Variants in TLE4 observed in about 807,000 individuals in gnomAD.
The protein encoded by TLE4 is TLE family member 4, transcriptional corepressor.
In TLE4, 8 loss-of-function variants were observed where a neutral mutation model predicts 92.8. The observed-to-expected ratio is 0.09, with a 90% CI of 0.05 to 0.16. TLE4 has a LOEUF of 0.16. Among genes scored for constraint, TLE4 ranks in the 10% least tolerant of loss-of-function variants. The pLI, the probability that TLE4 is intolerant of heterozygous loss-of-function variation, is 1.00. For missense variants in TLE4, 675 were observed against 997.6 expected (o/e 0.68, Z 4.36); for synonymous variants, 371 against 374.1 (o/e 0.99, Z 0.10).
chr9:79,606,331 C>CTT (rs35416123), intron 4 of TLE4, among the ~76,000 whole-genome samples: 8 of 96,050 alleles, frequency 8.3e-5, no homozygotes, highest in Middle Eastern at 7.1e-3. Flanking sequence ...TCCAGTCAGG[C>CTT]TTTTTTTTTT....
chr9:79,720,895 A>G (rs1358943075), intron 16 of TLE4, among the ~76,000 whole-genome samples: 3 of 152,220 alleles, frequency 2.0e-5, no homozygotes, highest in Non-Finnish European at 4.4e-5. Context: ...ATATAACTTT[A>G]CAAATGAGAT....
chr9:79,637,764 C>G (rs7870254), intron 6 of TLE4, among the ~76,000 whole-genome samples: 1,716 of 152,160 alleles, frequency 0.011, 39 homozygotes, highest in African/African-American at 0.039. Context: ...ACCCAGTGTC[C>G]TTGGATCTTC....
At chr9:79,671,928 A>C (rs1272859754) in intron 8 of TLE4, among the ~76,000 whole-genome samples, 1 of 149,666 alleles carries the variant, frequency 6.7e-6, no homozygotes, top group Non-Finnish European at 1.5e-5. Flanking sequence ...TCTCCGTTAA[A>C]AAAAAAAAAA....
Position 79,725,992 on chromosome 9 carries a change from A to G in TLE4, c.*848A>G, listed in dbSNP as rs1046784001. ...CACATTTCTTTGCAAAAGGAGATAT[A>G]TATATCTTTAGTCAGTTTTGTTGTT... On this transcript the variant is annotated 3_prime_UTR_variant, in exon 20 of 20. Transcript: ENST00000376552. The G allele has an allele frequency of 2.0e-5, 3 of 152,714 alleles. No individual in the cohort carries two copies. The highest frequency in any genetic ancestry group is 2.1e-4 in the South Asian group (1 of 4,830). 9.5% of individuals were successfully genotyped at this position (152,714 alleles called of 1,614,324 possible). A position where few individuals can be genotyped will look rare whatever the true frequency, so the allele number is the denominator to read the frequency against.
At chr9:79,668,401 G>A (rs1043275025) in intron 8 of TLE4, among the ~76,000 whole-genome samples, 1 of 152,194 alleles carries the variant, frequency 6.6e-6, no homozygotes, top group Non-Finnish European at 1.5e-5. Context: ...ATGTCGGAAC[G>A]TATCTAGATG....
chr9:79,680,076 C>G (rs1187195073), intron 8 of TLE4, among the ~76,000 whole-genome samples: 1 of 152,174 alleles, frequency 6.6e-6, no homozygotes, highest in Non-Finnish European at 1.5e-5. Context: ...GTTCTTTTGG[C>G]TTAGGATTGA....
At chr9:79,644,120 A>G (rs1161652909) in intron 6 of TLE4, among the ~76,000 whole-genome samples, 4 of 151,996 alleles carry the variant, frequency 2.6e-5, no homozygotes, top group African/African-American at 4.8e-5. Context: ...GTGGGAGGTA[A>G]TTTAATCAGG....
chr9:79,664,501 G>A lies in TLE4; in HGVS notation c.609+10426G>A, dbSNP rs79464546. On this transcript the variant is annotated intron_variant, in intron 8 of 19. Coordinates refer to ENST00000376552, the MANE Select transcript of TLE4 (RefSeq NM_007005.6). Reference sequence around the variant, plus strand: ...TGAATGAGACTCCTGAATTGGATGCGTAGGCTGGAATCTGATTTGATGATA... The same window carrying A: ...TGAATGAGACTCCTGAATTGGATGCATAGGCTGGAATCTGATTTGATGATA... Among the ~76,000 whole-genome samples, 965 of 152,268 alleles carry A rather than the reference G, an allele frequency of 6.3e-3. 29 individuals carry two copies. The highest frequency in any genetic ancestry group is 0.041 in the East Asian group (210 of 5,176).
rs1340825933 is a variant in TLE4, at chr9:79,718,926, C to G, written c.1545C>G (p.Ile515Met). 3.7e-6 allele frequency: 6 copies of G among 1,613,810 alleles called. No homozygotes were observed. Among genetic ancestry groups the G allele is most frequent in the Non-Finnish European group, 5.1e-6 (6 of 1,179,724 alleles). ...GGKGCVKVWD[I>M]SHPGNKSPVS... ...AGGGCTGCGTCAAGGTCTGGGACATCAGCCACCCAGGCAATAAGAGTCCTG... is the reference window on the plus strand; with the variant it reads ...AGGGCTGCGTCAAGGTCTGGGACATGAGCCACCCAGGCAATAAGAGTCCTG... The change falls in exon 15 of 20, where the codon ATC becomes ATG. Residue 515 changes from isoleucine to methionine, a missense_variant. This residue lies in a region of TLE4 where 170 missense variants were observed against 359.6 expected (regional missense o/e 0.47). Transcript: ENST00000376552.
intron 8 of TLE4, among the ~76,000 whole-genome samples, chr9:79,656,551 T>A (rs1194947287): frequency 6.6e-6 from 1 of 152,162 alleles, no homozygotes; most frequent in African/African-American, 2.4e-5. Flanking sequence ...TGCCTGAAAT[T>A]TTTTATAGCT....
intron 5 of TLE4, among the ~76,000 whole-genome samples, chr9:79,619,154 T>C (rs1188296576): frequency 1.3e-5 from 2 of 152,210 alleles, no homozygotes; most frequent in African/African-American, 4.8e-5. Flanking sequence ...AGTGATAATA[T>C]GAGTTTATTT....
At chr9:79,643,621 T>C (rs1276838045) in intron 6 of TLE4, among the ~76,000 whole-genome samples, 2 of 152,320 alleles carry the variant, frequency 1.3e-5, no homozygotes, top group Non-Finnish European at 2.9e-5. Flanking sequence ...TGTTTGTTTC[T>C]GATTGTTTTC....
chr9:79,592,229 T>TCTTCTTCCTCTTC (rs1554694710), intron 4 of TLE4, among the ~76,000 whole-genome samples: 14 of 133,174 alleles, frequency 1.1e-4, no homozygotes, highest in Non-Finnish European at 1.7e-4. Flanking sequence ...TTCTTCTTCT[T>TCTTCTTCCTCTTC]CTTCTTCCTT....
At chr9:79,612,626 TA>T (rs547635350) in intron 4 of TLE4, 29 bp from the exon 5 acceptor site, 4 of 1,599,824 alleles carry the variant, frequency 2.5e-6, no homozygotes, top group Non-Finnish European at 3.4e-6. Context: ...CTGTTCTCTT[TA>T]TTGCTTTCCT....
intron 4 of TLE4, among the ~76,000 whole-genome samples, chr9:79,585,986 T>C: frequency 6.6e-6 from 1 of 152,180 alleles, no homozygotes; most frequent in East Asian, 1.9e-4. Flanking sequence ...TAGAGCAATT[T>C]TCATAAAACA....
At chr9:79,639,156 G>T (rs1345164646) in intron 6 of TLE4, among the ~76,000 whole-genome samples, 2 of 152,108 alleles carry the variant, frequency 1.3e-5, no homozygotes, top group African/African-American at 4.8e-5. Flanking sequence ...GAGGGGATGG[G>T]ATTTGAGGGA....
intron 8 of TLE4, among the ~76,000 whole-genome samples, chr9:79,656,950 A>T (rs1459182146): frequency 4.0e-5 from 6 of 151,842 alleles, no homozygotes; most frequent in Non-Finnish European, 8.8e-5. Flanking sequence ...TGTTGGCTTT[A>T]TTGATCTCTT....
intron 8 of TLE4, among the ~76,000 whole-genome samples, chr9:79,702,858 A>G (rs780603732): frequency 6.6e-6 from 1 of 152,178 alleles, no homozygotes; most frequent in African/African-American, 2.4e-5. Flanking sequence ...AAGAAAGACC[A>G]TCAATCTTCT....
At chr9:79,641,045 G>A (rs1297874148) in intron 6 of TLE4, among the ~76,000 whole-genome samples, 1 of 151,128 alleles carries the variant, frequency 6.6e-6, no homozygotes, top group Non-Finnish European at 1.5e-5. Flanking sequence ...TTATTCTTGT[G>A]GAAAAGAATT....
Sources: allele counts gnomAD v4.1 joint callset (sites outside exome capture counted in the v4.1 genomes callset), GRCh38; gene constraint gnomAD v4.1.1; regional missense constraint gnomAD v4.1.1; transcripts MANE v1.5; gene names NCBI Gene and HGNC (gene_info 2026-07-23, HGNC 2026-07-21).